The following PCSK5 variants were observed in gnomAD, a reference collection of about 807,000 sequenced individuals.
PCSK5 encodes prohormone convertase 5.
In PCSK5, 129 loss-of-function variants were observed where a neutral mutation model predicts 233.2. That is an observed-to-expected ratio of 0.55 (90% CI 0.48 to 0.64). The LOEUF (loss-of-function observed/expected upper bound fraction) is 0.64, where lower values mean the gene tolerates loss of function less well. PCSK5 is among the 30% of genes least tolerant of loss of function. PCSK5 has a pLI of 0.00. For synonymous variants in PCSK5, 825 were observed against 879.2 expected (o/e 0.94, Z 1.09); for missense variants, 2,076 against 2,430.1 (o/e 0.85, Z 3.06).
At position 76,023,753 on chromosome 9, in the gene PCSK5, A is replaced by G. The variant is rs1828300377; in HGVS notation, c.427A>G (p.Thr143Ala). Residue 143 changes from threonine to alanine, a missense_variant, in exon 4 of 38, where the codon ACA becomes GCA. Around this residue, in one of 6 missense-constraint regions of PCSK5, gnomAD observed 190 missense variants for 216.3 expected, o/e 0.88. Coordinates refer to ENST00000674117, the MANE Select transcript of PCSK5 (RefSeq NM_001372043.1). ...SMWYMHCSDN[T>A]HPCQSDMNIE... Reference sequence around the variant, plus strand: ...CTTCTTTCAGCACTGCAGTGACAATACACATCCCTGCCAGTCTGACATGAA... The same window carrying G: ...CTTCTTTCAGCACTGCAGTGACAATGCACATCCCTGCCAGTCTGACATGAA... 4 of 1,612,308 alleles carry G rather than the reference A, an allele frequency of 2.5e-6. No homozygotes were observed. Among genetic ancestry groups the G allele is most frequent in the Middle Eastern group, 1.6e-4 (1 of 6,074 alleles).
chr9:76,208,637 T>C (rs994381714), intron 20 of PCSK5, among the ~76,000 whole-genome samples: 1 of 152,204 alleles, frequency 6.6e-6, no homozygotes, highest in Non-Finnish European at 1.5e-5. Context: ...TTATAAGTCA[T>C]CTGTTCTTAA....
At chr9:76,245,541 TA>T (rs1299895818) in intron 24 of PCSK5, among the ~76,000 whole-genome samples, 1 of 152,144 alleles carries the variant, frequency 6.6e-6, no homozygotes, top group Non-Finnish European at 1.5e-5. Flanking sequence ...AGCTGTACTA[TA>T]GGGGGTCTTT....
intron 2 of PCSK5, among the ~76,000 whole-genome samples, chr9:75,951,673 T>G (rs1824863335): frequency 6.6e-6 from 1 of 151,846 alleles, no homozygotes; most frequent in Non-Finnish European, 1.5e-5. Flanking sequence ...ATCCACAGAT[T>G]CCCACAGATT....
intron 35 of PCSK5, among the ~76,000 whole-genome samples, chr9:76,349,137 G>A (rs1830051927): frequency 6.6e-6 from 1 of 151,540 alleles, no homozygotes; most frequent in African/African-American, 2.4e-5. Context: ...AGCTGGGCGT[G>A]GTGGCGGGCT....
intron 3 of PCSK5, 29 bp from the exon 4 acceptor site, chr9:76,023,709 A>G: frequency 6.4e-7 from 1 of 1,569,362 alleles, no homozygotes. Flanking sequence ...ACTATTTAGT[A>G]ATCTTGCAGC....
intron 12 of PCSK5, among the ~76,000 whole-genome samples, chr9:76,160,916 G>A (rs1822825475): frequency 6.6e-6 from 1 of 152,052 alleles, no homozygotes; most frequent in African/African-American, 2.4e-5. Flanking sequence ...TGGGATTACA[G>A]GCACACGCCA....
Position 75,950,140 on chromosome 9 carries a change from T to TGGG in PCSK5, c.297+17658_297+17659insGGG, listed in dbSNP as rs35006093. Among the ~76,000 whole-genome samples the TGGG allele has an allele frequency of 6.8e-4, 66 of 96,442 alleles. 4 individuals carry two copies. Among genetic ancestry groups the TGGG allele is most frequent in the South Asian group, 1.3e-3 (3 of 2,242 alleles). 63.3% of individuals were successfully genotyped at this position (96,442 alleles called of 152,430 possible). ...TTATAGTGGGACACACTTGTGTGTG[T>TGGG]GTGTGGGGGGGGCGGGGAGGGGGGA... On this transcript the variant is annotated intron_variant, in intron 2 of 37. Transcript: ENST00000674117.
intron 14 of PCSK5, 166 bp downstream of exon 14, chr9:76,175,295 T>TCGAATAGAAC: frequency 2.5e-6 from 1 of 400,466 alleles, no homozygotes; most frequent in Admixed American, 4.3e-5. Flanking sequence ...TCGAATCGAA[T>TCGAATAGAAC]AGAATAGAAT....
At chr9:75,944,836 G>A (rs747114131) in intron 2 of PCSK5, among the ~76,000 whole-genome samples, 12 of 152,122 alleles carry the variant, frequency 7.9e-5, no homozygotes, top group Non-Finnish European at 1.5e-4. Flanking sequence ...ATGTCCAGGC[G>A]CGGTGGCTCA....
chr9:75,983,396 C>T (rs76665906), intron 2 of PCSK5, among the ~76,000 whole-genome samples: 1 of 152,200 alleles, frequency 6.6e-6, no homozygotes, highest in Non-Finnish European at 1.5e-5. Flanking sequence ...GCAGGCTTCC[C>T]ATAACTGTCA....
intron 3 of PCSK5, among the ~76,000 whole-genome samples, chr9:75,996,239 T>C (rs1827017442): frequency 3.9e-5 from 6 of 152,234 alleles, no homozygotes; most frequent in Admixed American, 3.9e-4. Flanking sequence ...AAGACTTTTA[T>C]TAATGCATTT....
At chr9:75,979,071 C>G (rs1182151794) in intron 2 of PCSK5, among the ~76,000 whole-genome samples, 1 of 152,056 alleles carries the variant, frequency 6.6e-6, no homozygotes. Context: ...TCAGACTGGT[C>G]TCGAACTCCT....
intron 5 of PCSK5, among the ~76,000 whole-genome samples, chr9:76,040,375 CTCTCTCTCTG>C (rs869033123): frequency 3.9e-4 from 26 of 66,004 alleles, no homozygotes; most frequent in East Asian, 2.9e-3. Flanking sequence ...CTCTCTCTCT[CTCTCTCTCTG>C]TCTCTCTCTC....
chr9:76,329,791 CCACTA>C (rs1330171437), intron 33 of PCSK5, among the ~76,000 whole-genome samples: 1 of 152,036 alleles, frequency 6.6e-6, no homozygotes, highest in Non-Finnish European at 1.5e-5. Flanking sequence ...CGAGATCGCA[CCACTA>C]CACTCCAGCC....
chr9:75,983,434 A>G (rs1826365311), intron 2 of PCSK5, among the ~76,000 whole-genome samples: 1 of 152,164 alleles, frequency 6.6e-6, no homozygotes, highest in South Asian at 2.1e-4. Context: ...CTTATAAAGG[A>G]GGACATCTTT....
At chr9:76,064,488 C>T (rs201742175) in intron 5 of PCSK5, among the ~76,000 whole-genome samples, 8 of 144,794 alleles carry the variant, frequency 5.5e-5, no homozygotes, top group South Asian at 2.2e-4. Flanking sequence ...CCGGATGGGG[C>T]GGCTGGCCGG....
chr9:76,147,347 C>A (rs1823480734), intron 10 of PCSK5, among the ~76,000 whole-genome samples: 1 of 152,172 alleles, frequency 6.6e-6, no homozygotes, highest in Admixed American at 6.5e-5. Context: ...GTGCAGTCAA[C>A]TCTCATTTCT....
intron 24 of PCSK5, among the ~76,000 whole-genome samples, chr9:76,262,515 A>T (rs1340026978): frequency 2.7e-5 from 4 of 148,218 alleles, no homozygotes; most frequent in African/African-American, 1.0e-4. Context: ...TGACAAAAAC[A>T]AACAATGGGG....
intron 20 of PCSK5, among the ~76,000 whole-genome samples, chr9:76,204,525 C>T (rs576048473): frequency 6.6e-6 from 1 of 151,800 alleles, no homozygotes; most frequent in Admixed American, 6.6e-5. Flanking sequence ...CTTCCTTTAG[C>T]CTGTCCCGGT....
Sources: gnomAD v4.1 joint callset for allele counts (sites outside exome capture counted in the v4.1 genomes callset) on GRCh38, gnomAD v4.1.1 for gene constraint, gnomAD v4.1.1 regional missense constraint, MANE v1.5 for transcripts, NCBI Gene and HGNC (gene_info 2026-07-23, HGNC 2026-07-21) for gene names.